EFCAB13: variants seen among roughly 807,000 people sequenced by gnomAD.
EFCAB13 encodes EF-hand calcium binding domain 13.
In EFCAB13, 91 loss-of-function variants were observed where a neutral mutation model predicts 110.2. The observed-to-expected ratio is 0.83, with a 90% CI of 0.70 to 0.98. The LOEUF (loss-of-function observed/expected upper bound fraction) is 0.98, where lower values mean the gene tolerates loss of function less well. Ranked by LOEUF, EFCAB13 falls within the 50% of genes least tolerant of loss-of-function variation. The pLI, the probability that EFCAB13 is intolerant of heterozygous loss-of-function variation, is 0.00. For synonymous variants in EFCAB13, 323 were observed against 369.9 expected, an observed-to-expected ratio of 0.87 and a Z score of 1.45; for missense variants, 968 against 1,119.4, an observed-to-expected ratio of 0.86 and a Z score of 1.93.
At chr17:47,344,085 A>G (rs1463181770) in intron 6 of EFCAB13, 77 bp from the exon 7 acceptor site, 5 of 1,436,656 alleles carry the variant, frequency 3.5e-6, no homozygotes, top group Non-Finnish European at 4.6e-6. Context: ...TTATCTTTTA[A>G]GAGTTGTATC....
rs960751084 is a variant in EFCAB13, at chr17:47,371,774, C to T, written c.877+1266C>T. 7.2e-5 allele frequency among the ~76,000 whole-genome samples: 11 copies of T among 152,082 alleles called. No individual in the cohort carries two copies. The South Asian group carries it at 1.0e-3, about 14-fold the overall frequency. The stretch of plus-strand genomic sequence containing the variant: ...GATTACAGGCATGCATGACCATGCC[C>T]GGCTAATATTTGTATTTTTAGTAGG... On this transcript the variant is annotated intron_variant, in intron 11 of 24. Transcript: ENST00000331493.
rs377168087 is a variant in EFCAB13 at position 47,404,554 on chromosome 17, C to G, written c.2162-8C>G. The G allele has an allele frequency of 6.2e-7, 1 of 1,608,920 alleles. No homozygotes were observed. Among genetic ancestry groups the G allele is most frequent in the African/African-American group, 1.3e-5 (1 of 74,756 alleles). On this transcript the variant is annotated splice_region_variant and splice_polypyrimidine_tract_variant and intron_variant, in intron 19 of 24. Transcript: ENST00000331493. ...TTCTTGTTTGTCATCTCTCTCTTTTCCTTGCAGAAGATAACATGGTGAACA... is the reference window on the plus strand; with the variant it reads ...TTCTTGTTTGTCATCTCTCTCTTTTGCTTGCAGAAGATAACATGGTGAACA...
intron 12 of EFCAB13, 76 bp downstream of exon 12, chr17:47,375,042 G>GT (rs2065607055): frequency 7.1e-7 from 1 of 1,412,162 alleles, no homozygotes; most frequent in Non-Finnish European, 9.3e-7. Context: ...TTAGATAGTT[G>GT]TAAGCATTTC....
At chr17:47,376,985 A>G (rs2065618948) in intron 12 of EFCAB13, among the ~76,000 whole-genome samples, 1 of 152,244 alleles carries the variant, frequency 6.6e-6, no homozygotes, top group Non-Finnish European at 1.5e-5. Flanking sequence ...TCAGTGCATC[A>G]GTAAGAAGCA....
intron 5 of EFCAB13, among the ~76,000 whole-genome samples, chr17:47,340,927 A>G (rs2065381031): frequency 6.6e-6 from 1 of 151,728 alleles, no homozygotes; most frequent in Non-Finnish European, 1.5e-5. Context: ...GTCTCTCATG[A>G]TTTACTGGAT....
At chr17:47,346,442 C>CCCT (rs1555578097) in intron 8 of EFCAB13, among the ~76,000 whole-genome samples, 2 of 140,356 alleles carry the variant, frequency 1.4e-5, no homozygotes, top group Non-Finnish European at 3.1e-5. Flanking sequence ...TACCCCCCCC[C>CCCT]CCATTTATCT....
At chr17:47,414,779 G>A (rs999395435) in intron 22 of EFCAB13, 69 bp from the exon 23 acceptor site, 85 of 963,260 alleles carry the variant, frequency 8.8e-5, no homozygotes, top group Non-Finnish European at 1.2e-4. Context: ...ATTGTAAATC[G>A]GTCTTTATTT....
Position 47,394,054 on chromosome 17 carries a change from A to G in EFCAB13, c.1756A>G (p.Ile586Val). The change falls in exon 16 of 25, where the codon ATT becomes GTT. Residue 586 changes from isoleucine to valine, a missense_variant. Physicochemically the swap from Ile to Val is conservative, Grantham distance 29. Coordinates refer to ENST00000331493, the MANE Select transcript of EFCAB13 (RefSeq NM_152347.5). ...AAAAAAAGTGAATTTTAAAGAATTC[A>G]TTGATACTATGATGAGCAACACGGA... The part of the protein sequence containing the change: ...ETKKVNFKEF[I>V]DTMMSNTECF... 1 of 1,553,650 alleles carries G rather than the reference A, an allele frequency of 6.4e-7. No homozygotes were observed. Among genetic ancestry groups the G allele is most frequent in the Admixed American group, 2.1e-5 (1 of 48,766 alleles).
At chr17:47,349,241 G>A (rs2065434836) in intron 9 of EFCAB13, among the ~76,000 whole-genome samples, 1 of 152,156 alleles carries the variant, frequency 6.6e-6, no homozygotes, top group Non-Finnish European at 1.5e-5. Flanking sequence ...TTTCTGCTCA[G>A]ATGACATTAA....
At position 47,402,289 on chromosome 17, in the gene EFCAB13, C is replaced by A; in HGVS notation, c.2017+86C>A. 4 of 1,234,412 alleles carry A rather than the reference C, an allele frequency of 3.2e-6. No individual in the cohort carries two copies. In the South Asian group the frequency reaches 3.8e-5, roughly 12 times the overall value. 76.5% of individuals were successfully genotyped at this position (1,234,412 alleles called of 1,614,324 possible). ...TTTTGTTTTTAATGCTGTGTGTTCA[C>A]CTAATTTCTGGTTAACATGTTGGCA... On this transcript the variant is annotated intron_variant, in intron 18 of 24. Coordinates refer to ENST00000331493, the MANE Select transcript of EFCAB13 (RefSeq NM_152347.5).
At chr17:47,367,799 T>C (rs2065556426) in intron 10 of EFCAB13, among the ~76,000 whole-genome samples, 1 of 152,094 alleles carries the variant, frequency 6.6e-6, no homozygotes, top group Admixed American at 6.6e-5. Context: ...GGTGGATGCG[T>C]GAATGGAACC....
At chr17:47,428,714 A>G (rs1046194484) in intron 23 of EFCAB13, among the ~76,000 whole-genome samples, 3 of 152,168 alleles carry the variant, frequency 2.0e-5, no homozygotes, top group African/African-American at 7.2e-5. Context: ...CCTTCTTTAT[A>G]GCATTCACAA....
At chr17:47,333,524 G>GTAGAGCTTT (rs1278619201) in intron 4 of EFCAB13, among the ~76,000 whole-genome samples, 1 of 152,092 alleles carries the variant, frequency 6.6e-6, no homozygotes, top group Non-Finnish European at 1.5e-5. Context: ...GACCAATGTG[G>GTAGAGCTTT]TAGAGCTTTT....
At chr17:47,355,305 T>G (rs757102696) in intron 9 of EFCAB13, among the ~76,000 whole-genome samples, 2 of 152,192 alleles carry the variant, frequency 1.3e-5, no homozygotes, top group African/African-American at 4.8e-5. Context: ...ACACAGCTCT[T>G]AAGATTCTGT....
chr17:47,405,913 A>AT (rs144426131), intron 20 of EFCAB13, among the ~76,000 whole-genome samples: 4 of 150,880 alleles, frequency 2.7e-5, no homozygotes, highest in Non-Finnish European at 5.9e-5. Flanking sequence ...TATTTACTTT[A>AT]TTTTTTTTCT....
At chr17:47,344,483 A>C (rs1048041819) in intron 7 of EFCAB13, among the ~76,000 whole-genome samples, 191 bp downstream of exon 7, 1 of 152,012 alleles carries the variant, frequency 6.6e-6, no homozygotes, top group Non-Finnish European at 1.5e-5. Flanking sequence ...TTGACCTAAC[A>C]TGCTTAGACT....
At chr17:47,401,395 C>G (rs1270585304) in intron 17 of EFCAB13, among the ~76,000 whole-genome samples, 1 of 152,138 alleles carries the variant, frequency 6.6e-6, no homozygotes. Context: ...TAATCTAGTA[C>G]TTGTGTACTG....
chr17:47,433,092 C>A (rs1905149736), intron 24 of EFCAB13, among the ~76,000 whole-genome samples: 1 of 152,102 alleles, frequency 6.6e-6, no homozygotes, highest in African/African-American at 2.4e-5. Flanking sequence ...GTCTTATTAG[C>A]CTTCTCTAGT....
At chr17:47,338,968 A>AAT (rs898640740) in intron 5 of EFCAB13, among the ~76,000 whole-genome samples, 5 of 152,114 alleles carry the variant, frequency 3.3e-5, no homozygotes, top group Non-Finnish European at 7.4e-5. Context: ...AGAAACAATA[A>AAT]ATATATATAA....
Sources: allele counts gnomAD v4.1 joint callset (sites outside exome capture counted in the v4.1 genomes callset), GRCh38; gene constraint gnomAD v4.1.1; transcripts MANE v1.5; gene names NCBI Gene and HGNC (gene_info 2026-07-23, HGNC 2026-07-21).